The following GPATCH2 variants were observed in gnomAD, a reference collection of about 807,000 sequenced individuals.
GPATCH2 encodes G-patch domain containing 2, also known as G patch domain-containing protein 2.
GPATCH2 carries 51 observed loss-of-function variants against 58.0 expected under a neutral mutation model. The ratio of observed to expected loss-of-function variants is 0.88; its 90% confidence interval spans 0.70 to 1.11. The LOEUF (loss-of-function observed/expected upper bound fraction) is 1.11. Ranked by LOEUF, GPATCH2 falls within the 50% of genes most tolerant of loss-of-function variation. The probability of loss-of-function intolerance (pLI) is 0.00; values close to 1 mark genes in which losing one functional copy is unlikely to be tolerated. For synonymous variants in GPATCH2, 222 were observed against 218.5 expected, an observed-to-expected ratio of 1.02 and a Z score of -0.14; for missense variants, 625 against 652.2, an observed-to-expected ratio of 0.96 and a Z score of 0.45.
Position 217,460,345 on chromosome 1 carries a change from C to T in GPATCH2, c.1278-11008G>A, listed in dbSNP as rs184031712. ...CTACTTAATAAACTTCTGCTGAAAA[C>T]GTAATGTATGCCATGCCCTATGCCA... On this transcript the variant is annotated intron_variant, in intron 8 of 9. Transcript: ENST00000366935. 3.9e-5 allele frequency among the ~76,000 whole-genome samples: 6 copies of T among 152,294 alleles called. No individual in the cohort carries two copies. The East Asian group carries it at 9.7e-4, about 25-fold the overall frequency.
At chr1:217,588,118 T>C (rs1667427750) in intron 5 of GPATCH2, among the ~76,000 whole-genome samples, 1 of 152,198 alleles carries the variant, frequency 6.6e-6, no homozygotes, top group South Asian at 2.1e-4. Flanking sequence ...TGCTAACTTG[T>C]TGGTGAAGAC....
At chr1:217,564,638 C>A (rs1666122316) in intron 5 of GPATCH2, among the ~76,000 whole-genome samples, 1 of 152,076 alleles carries the variant, frequency 6.6e-6, no homozygotes, top group Non-Finnish European at 1.5e-5. Flanking sequence ...TGGTTTATGG[C>A]CAAATAATAC....
chr1:217,550,943 C>T (rs1243342382), intron 5 of GPATCH2, among the ~76,000 whole-genome samples: 2 of 151,584 alleles, frequency 1.3e-5, no homozygotes, highest in East Asian at 3.9e-4. Context: ...AGTCTAATTA[C>T]ATAGCATATA....
rs916359270 is a variant in GPATCH2, at chr1:217,562,659, A to G, written c.1098+47662T>C. Among the ~76,000 whole-genome samples the G allele has an allele frequency of 1.6e-4, 25 of 152,222 alleles. 1 individual carries two copies. Among genetic ancestry groups the G allele is most frequent in the Admixed American group, 3.9e-4 (6 of 15,270 alleles). On this transcript the variant is annotated intron_variant, in intron 5 of 9. Coordinates refer to ENST00000366935, the MANE Select transcript of GPATCH2 (RefSeq NM_018040.5). ...CGGCTCACTGAGCTTCCATATTATC[A>G]TTAATAAACTGGAGATAGACACATA...
intron 5 of GPATCH2, among the ~76,000 whole-genome samples, chr1:217,523,923 G>A (rs1314654842): frequency 2.7e-5 from 3 of 110,352 alleles, no homozygotes; most frequent in Non-Finnish European, 4.3e-5. Flanking sequence ...CCTCCCTCCC[G>A]GACGGGGCAG....
intron 8 of GPATCH2, among the ~76,000 whole-genome samples, chr1:217,479,211 G>A (rs1661104562): frequency 6.6e-6 from 1 of 152,074 alleles, no homozygotes; most frequent in Non-Finnish European, 1.5e-5. Context: ...ACTGGTAATA[G>A]TAAGTACACA....
chr1:217,448,090 C>T (rs1156964718), intron 9 of GPATCH2, among the ~76,000 whole-genome samples: 1 of 142,980 alleles, frequency 7.0e-6, no homozygotes, highest in Non-Finnish European at 1.5e-5. Flanking sequence ...AAGGGTGAAA[C>T]TCTGTCTCAG....
chr1:217,595,269 T>TA (rs374431145), intron 5 of GPATCH2, among the ~76,000 whole-genome samples: 191 of 152,194 alleles, frequency 1.3e-3, no homozygotes, highest in African/African-American at 4.1e-3. Context: ...GATTCAATAG[T>TA]AAAAAAACCC....
chr1:217,446,944 C>T (rs890846223), intron 9 of GPATCH2, among the ~76,000 whole-genome samples: 2 of 152,136 alleles, frequency 1.3e-5, no homozygotes, highest in Admixed American at 6.5e-5. Context: ...AGTGTTAGGA[C>T]GTGACCCCAG....
At chr1:217,464,926 C>G (rs916475569) in intron 8 of GPATCH2, among the ~76,000 whole-genome samples, 1 of 151,878 alleles carries the variant, frequency 6.6e-6, no homozygotes, top group Non-Finnish European at 1.5e-5. Flanking sequence ...TAGATATGCC[C>G]ACAAAAATGA....
At chr1:217,585,536 C>T (rs1475377903) in intron 5 of GPATCH2, among the ~76,000 whole-genome samples, 1 of 152,084 alleles carries the variant, frequency 6.6e-6, no homozygotes, top group Non-Finnish European at 1.5e-5. Context: ...AGGAGAATCG[C>T]TTGAACCTGG....
At position 217,448,433 on chromosome 1, in the gene GPATCH2, G is replaced by A. The variant is rs547064348; in HGVS notation, c.1366+816C>T. ...CATCACAAATCCATTATGGCTAACGGCTGTTTATTTATATGTTGGTGTCTA... is the reference window on the plus strand; with the variant it reads ...CATCACAAATCCATTATGGCTAACGACTGTTTATTTATATGTTGGTGTCTA... On this transcript the variant is annotated intron_variant, in intron 9 of 9. Transcript: ENST00000366935. 3.9e-5 allele frequency among the ~76,000 whole-genome samples: 6 copies of A among 152,288 alleles called. No homozygotes were observed. The South Asian group carries it at 1.2e-3, about 32-fold the overall frequency.
chr1:217,554,140 C>T (rs925819363), intron 5 of GPATCH2, among the ~76,000 whole-genome samples: 1 of 152,214 alleles, frequency 6.6e-6, no homozygotes, highest in Non-Finnish European at 1.5e-5. Context: ...CAACAGAAGC[C>T]TTGTTATAGC....
chr1:217,524,484 C>CCG (rs1663708491), intron 5 of GPATCH2, among the ~76,000 whole-genome samples: 1 of 151,624 alleles, frequency 6.6e-6, no homozygotes, highest in Non-Finnish European at 1.5e-5. Flanking sequence ...GCTGCAATCT[C>CCG]GGCTCTTTAG....
At chr1:217,433,485 C>T (rs1406683118) in intron 9 of GPATCH2, among the ~76,000 whole-genome samples, 1 of 151,646 alleles carries the variant, frequency 6.6e-6, no homozygotes, top group Non-Finnish European at 1.5e-5. Flanking sequence ...CAACCTCCAC[C>T]TCCCAGGTTC....
chr1:217,518,290 G>A (rs931353518), intron 5 of GPATCH2, among the ~76,000 whole-genome samples: 1 of 152,104 alleles, frequency 6.6e-6, no homozygotes, highest in Non-Finnish European at 1.5e-5. Context: ...TTTAACAATA[G>A]TTGTACAAGT....
chr1:217,592,410 A>G (rs10746368), intron 5 of GPATCH2, among the ~76,000 whole-genome samples: 107,177 of 151,726 alleles, frequency 0.71, 38,107 homozygotes, highest in East Asian at 0.92. Flanking sequence ...CATTTTTAAA[A>G]TTTATATAAT....
chr1:217,540,835 A>G (rs1332451197), intron 5 of GPATCH2, among the ~76,000 whole-genome samples: 2 of 152,224 alleles, frequency 1.3e-5, no homozygotes, highest in Admixed American at 1.3e-4. Flanking sequence ...GTGGCATTTA[A>G]TATCTGTTCC....
At chr1:217,538,887 G>T (rs1005420756) in intron 5 of GPATCH2, among the ~76,000 whole-genome samples, 1 of 152,112 alleles carries the variant, frequency 6.6e-6, no homozygotes, top group Non-Finnish European at 1.5e-5. Flanking sequence ...GGCATTTAGG[G>T]ATAGATTCAT....
Sources: gnomAD v4.1 joint callset for allele counts (sites outside exome capture counted in the v4.1 genomes callset) on GRCh38, gnomAD v4.1.1 for gene constraint, MANE v1.5 for transcripts, NCBI Gene and HGNC (gene_info 2026-07-23, HGNC 2026-07-21) for gene names.